The following PML variants were observed in gnomAD, a reference collection of about 807,000 sequenced individuals.
PML encodes protein PML.
A neutral mutation model predicts 65.2 loss-of-function variants in PML; 28 were observed. The observed-to-expected ratio is 0.43, with a 90% CI of 0.32 to 0.59. The LOEUF (loss-of-function observed/expected upper bound fraction) is 0.59, where lower values mean the gene tolerates loss of function less well. PML is among the 20% of genes least tolerant of loss of function. The pLI is 0.08. For synonymous variants in PML, 500 were observed against 508.8 expected (o/e 0.98, Z 0.23); for missense variants, 1,021 against 1,203.4 (o/e 0.85, Z 2.24).
At chr15:74,021,551 C>T (rs1019766098) in intron 2 of PML, among the ~76,000 whole-genome samples, 8 of 151,910 alleles carry the variant, frequency 5.3e-5, no homozygotes, top group Non-Finnish European at 8.8e-5. Context: ...TGCCATTGCA[C>T]TCCAGCCTGG....
At chr15:74,036,205 G>A (rs1223282360) in intron 7 of PML, 3 of 1,581,570 alleles carry the variant, frequency 1.9e-6, no homozygotes, top group Non-Finnish European at 2.6e-6. Context: ...GCCCAAGAAA[G>A]AAACTTCTGT....
In PML at chr15:74,042,576, C is replaced by T. The variant is rs895741196; in HGVS notation, c.1711-413C>T. 1 of 985,324 alleles carries T rather than the reference C, an allele frequency of 1.0e-6. No homozygotes were observed. The highest frequency in any genetic ancestry group is 1.7e-5 in the African/African-American group (1 of 57,244). The allele number at this position is 985,324 out of a possible 1,614,324, so 61.0% of individuals were successfully genotyped here. On this transcript the variant is annotated intron_variant, in intron 7 of 8. Transcript: ENST00000268058. This position sits in a 1 kb window ranked among gnomAD's most constrained non-coding sequence, Gnocchi z 5.3. ...GCAGATGGCTCCTTCCCTGAGCCTCCATAAGCAGCACAGCACACTCATGCA... is the reference window on the plus strand; with the variant it reads ...GCAGATGGCTCCTTCCCTGAGCCTCTATAAGCAGCACAGCACACTCATGCA...
chr15:74,013,878 A>T (rs2070443218), intron 2 of PML, among the ~76,000 whole-genome samples: 1 of 152,248 alleles, frequency 6.6e-6, no homozygotes, highest in African/African-American at 2.4e-5. Context: ...GTAAATCCAA[A>T]TTGAATATTG....
chr15:74,042,409 A>T lies in PML; in HGVS notation c.1711-580A>T. 2 of 985,428 alleles carry T rather than the reference A, an allele frequency of 2.0e-6. No homozygotes were observed. Among genetic ancestry groups the T allele is most frequent in the East Asian group, 1.1e-4 (1 of 8,816 alleles). 61.0% of individuals were successfully genotyped at this position (985,428 alleles called of 1,614,324 possible). On this transcript the variant is annotated intron_variant, in intron 7 of 8. Coordinates refer to ENST00000268058, the MANE Select transcript of PML (RefSeq NM_033238.3). This position sits in a 1 kb window ranked among gnomAD's most constrained non-coding sequence, Gnocchi z 5.3. ...CTCGGCTGACTTCGGGGACAAGAAA[A>T]GGCAGGCTCCCGACCCCTTCCAAAG...
At chr15:74,021,377 G>A (rs555710857) in intron 2 of PML, among the ~76,000 whole-genome samples, 7 of 152,126 alleles carry the variant, frequency 4.6e-5, no homozygotes, top group East Asian at 3.9e-4. Flanking sequence ...ACCTGAGGTC[G>A]GGAGTTCAAG....
intron 2 of PML, among the ~76,000 whole-genome samples, chr15:74,016,745 G>A (rs971520225): frequency 7.3e-5 from 10 of 136,610 alleles, no homozygotes; most frequent in African/African-American, 2.6e-4. Flanking sequence ...TAGTCATGAA[G>A]ATCTTTCAAA....
intron 4 of PML, among the ~76,000 whole-genome samples, chr15:74,032,237 CAGA>C (rs2071353060): frequency 6.6e-6 from 1 of 152,038 alleles, no homozygotes; most frequent in Non-Finnish European, 1.5e-5. Flanking sequence ...AACTCAGAGT[CAGA>C]AGGAGGTGAT....
At chr15:73,995,879 C>T (rs1332457058) in intron 1 of PML, among the ~76,000 whole-genome samples, 4 of 151,986 alleles carry the variant, frequency 2.6e-5, no homozygotes, top group Admixed American at 6.5e-5. Context: ...CTCAGCCTCC[C>T]GAGTAGCTGG....
At chr15:74,026,960 T>A (rs1260424493) in intron 4 of PML, 1 of 152,226 alleles carries the variant, frequency 6.6e-6, no homozygotes, top group Non-Finnish European at 1.5e-5. Context: ...ACCTCTTTTT[T>A]AAATTCTTAT....
At position 74,035,512 on chromosome 15, in the gene PML, G is replaced by A. The variant is rs751144387; in HGVS notation, c.1710+982G>A. On this transcript the variant is annotated intron_variant, in intron 7 of 8. Transcript: ENST00000268058. The surrounding 1 kb of genome is among the most constrained non-coding windows in gnomAD (Gnocchi z 4.1). The stretch of plus-strand genomic sequence containing the variant: ...CCTCAATTGCATCGGGCCCCTATTC[G>A]GACTTGGTCTCCCCATGTGGTCCAA... 18 of 1,611,338 alleles carry A rather than the reference G, an allele frequency of 1.1e-5. No individual in the cohort carries two copies. Among genetic ancestry groups the A allele is most frequent in the Middle Eastern group, 3.3e-4 (2 of 6,084 alleles).
intron 2 of PML, among the ~76,000 whole-genome samples, chr15:74,012,525 G>C (rs1256669190): frequency 6.6e-6 from 1 of 152,098 alleles, no homozygotes; most frequent in South Asian, 2.1e-4. Context: ...GGCCAGGCTG[G>C]TCTCGAACTC....
Position 74,036,246 on chromosome 15 carries a change from C to T in PML, c.1710+1716C>T, listed in dbSNP as rs1483023239. The T allele has an allele frequency of 2.0e-5, 30 of 1,508,478 alleles. No individual in the cohort carries two copies. In the East Asian group the frequency reaches 6.8e-4, roughly 34 times the overall value. The allele number at this position is 1,508,478 out of a possible 1,614,324, so 93.4% of individuals were successfully genotyped here. ...TTGCACTCTCCTGTATTCTGAGTCCCTGGCCAATAGCACAGCCTTCCATGC... is the reference window on the plus strand; with the variant it reads ...TTGCACTCTCCTGTATTCTGAGTCCTTGGCCAATAGCACAGCCTTCCATGC... On this transcript the variant is annotated intron_variant, in intron 7 of 8. Transcript: ENST00000268058.
chr15:74,045,353 G>C lies in PML; in HGVS notation c.*345G>C. On this transcript the variant is annotated 3_prime_UTR_variant, in exon 9 of 9. Transcript: ENST00000268058. ...ATCCATCCCACCTGCCACTACCTTG[G>C]GTGTCCTTACAGCTCTGCCCTGACC... 2.8e-6 allele frequency: 1 copy of C among 359,562 alleles called. No individual in the cohort carries two copies. The highest frequency in any genetic ancestry group is 5.1e-6 in the Non-Finnish European group (1 of 196,700). The allele number at this position is 359,562 out of a possible 1,614,324, so 22.3% of individuals were successfully genotyped here.
intron 2 of PML, 86 bp from the exon 3 acceptor site, chr15:74,022,741 AT>A: frequency 9.4e-7 from 1 of 1,065,558 alleles, no homozygotes; most frequent in Non-Finnish European, 1.4e-6. Context: ...AAAGTCTGGT[AT>A]TTTTGGAAGA....
rs760154145 is a variant in PML, at chr15:74,044,610, C to A, written c.2251C>A (p.Arg751Ser). ...RSAMAAVLAM[R>S]DLCRLLEVSP... ...CGCCATGGCTGCCGTGCTGGCCATG[C>A]GTGACCTGTGCCGCCTCCTCGAGGT... Residue 751 changes from arginine to serine, a missense_variant, in exon 9 of 9, where the codon CGT (arginine) becomes AGT (serine). By Grantham distance (110) the Arg-to-Ser change is moderately radical. Transcript: ENST00000268058. The A allele has an allele frequency of 3.1e-6, 5 of 1,607,762 alleles. No homozygotes were observed. The highest frequency in any genetic ancestry group is 3.3e-5 in the Admixed American group (2 of 60,006).
intron 6 of PML, 67 bp downstream of exon 6, chr15:74,033,481 G>A: frequency 3.2e-6 from 5 of 1,577,688 alleles, no homozygotes; most frequent in Non-Finnish European, 2.6e-6. Flanking sequence ...CCCCTCTTCT[G>A]TATTTTGGCC....
chr15:74,036,259 C>G, intron 7 of PML: 1 of 1,494,330 alleles, frequency 6.7e-7, no homozygotes, highest in Non-Finnish European at 8.9e-7. Context: ...GCCAATAGCA[C>G]AGCCTTCCAT....
rs370669790 is a variant in PML, at chr15:73,997,985, T to G, written c.130-19T>G. 3.4e-5 allele frequency: 55 copies of G among 1,608,486 alleles called. No homozygotes were observed. In the African/African-American group the frequency reaches 4.5e-4, roughly 13 times the overall value. On this transcript the variant is annotated intron_variant, in intron 1 of 8. Coordinates refer to ENST00000268058, the MANE Select transcript of PML (RefSeq NM_033238.3). ...TTTTGGGACTTCTCCAGGCCTCACCTGCCTCTCTGGTCCCCCAGCGAGCCC... is the reference window on the plus strand; with the variant it reads ...TTTTGGGACTTCTCCAGGCCTCACCGGCCTCTCTGGTCCCCCAGCGAGCCC...
At position 74,037,413 on chromosome 15, in the gene PML, C is replaced by G. The variant is rs1252515753; in HGVS notation, c.1710+2883C>G. On this transcript the variant is annotated intron_variant, in intron 7 of 8. Transcript: ENST00000268058. The surrounding 1 kb of genome is among the most constrained non-coding windows in gnomAD (Gnocchi z 4.2). ...CCCTTGACCCCCTGGGAGCCTCACTCCTCCTCCTCATCTCTCTTGCATCTT... is the reference window on the plus strand; with the variant it reads ...CCCTTGACCCCCTGGGAGCCTCACTGCTCCTCCTCATCTCTCTTGCATCTT... 1.0e-6 allele frequency: 1 copy of G among 985,074 alleles called. No individual in the cohort carries two copies. Among genetic ancestry groups the G allele is most frequent in the African/African-American group, 1.7e-5 (1 of 57,188 alleles). 61.0% of individuals were successfully genotyped at this position (985,074 alleles called of 1,614,324 possible).
Sources: gnomAD v4.1 joint callset for allele counts (sites outside exome capture counted in the v4.1 genomes callset) on GRCh38, gnomAD v4.1.1 for gene constraint, Gnocchi (gnomAD v3.1) non-coding constraint, MANE v1.5 for transcripts, NCBI Gene and HGNC (gene_info 2026-07-23, HGNC 2026-07-21) for gene names.